Variants in CDH13 observed in about 807,000 individuals in gnomAD.
The protein encoded by CDH13 is cadherin-13.
In CDH13, 24 loss-of-function variants were observed where a neutral mutation model predicts 63.8. The observed-to-expected ratio is 0.38, with a 90% CI of 0.27 to 0.53. The LOEUF is 0.53. Among genes scored for constraint, CDH13 ranks in the 20% least tolerant of loss-of-function variants. The pLI is 0.85. For missense variants in CDH13, 1,049 were observed against 903.1 expected (o/e 1.16, Z -2.07); for synonymous variants, 503 against 355.3 (o/e 1.42, Z -4.67).
At chr16:83,223,570 T>C (rs914999680) in intron 5 of CDH13, among the ~76,000 whole-genome samples, 1 of 152,214 alleles carries the variant, frequency 6.6e-6, no homozygotes, top group African/African-American at 2.4e-5. Context: ...GCAGCCCTGC[T>C]TGGGTTACCT....
At position 83,215,070 on chromosome 16, in the gene CDH13, C is replaced by A. The variant is rs1032026185; in HGVS notation, c.484-2275C>A. ...TATTTTCATCAGAGAGTATCAAACA[C>A]CTCTTTTTTTTTTTTTTTTTTTTTG... is the stretch of plus-strand genomic sequence containing the variant. On this transcript the variant is annotated intron_variant, in intron 4 of 13. Transcript: ENST00000567109. Among the ~76,000 whole-genome samples the A allele has an allele frequency of 6.2e-4, 11 of 17,712 alleles. No individual in the cohort carries two copies. The South Asian group carries it at 0.037, about 60-fold the overall frequency. The allele number at this position is 17,712 out of a possible 152,430, so 11.6% of individuals were successfully genotyped here.
At chr16:83,663,337 C>G (rs569246302) in intron 8 of CDH13, among the ~76,000 whole-genome samples, 1 of 152,266 alleles carries the variant, frequency 6.6e-6, no homozygotes, top group African/African-American at 2.4e-5. Context: ...GCTATATCTA[C>G]TCAAAACCGC....
chr16:83,745,700 C>G (rs1413137152), intron 10 of CDH13, among the ~76,000 whole-genome samples: 3 of 152,170 alleles, frequency 2.0e-5, no homozygotes, highest in African/African-American at 4.8e-5. Context: ...AGGTAACAAT[C>G]CCATTGCAGC....
rs1041119504 is a variant in CDH13, at chr16:83,619,793, A to C, written c.1101+17199A>C. On this transcript the variant is annotated intron_variant, in intron 8 of 13. Transcript: ENST00000567109. The stretch of plus-strand genomic sequence containing the variant: ...CTCTGTCAAGGTCCTCTTTCCAAAT[A>C]AGGTTACAGTCTGAGGTCCTGAGGG... Among the ~76,000 whole-genome samples, 3 of 152,226 alleles carry C rather than the reference A, an allele frequency of 2.0e-5. No homozygotes were observed. In the East Asian group the frequency reaches 5.8e-4, roughly 29 times the overall value.
chr16:83,626,279 A>C (rs1277335231), intron 8 of CDH13, among the ~76,000 whole-genome samples: 1 of 152,116 alleles, frequency 6.6e-6, no homozygotes, highest in Non-Finnish European at 1.5e-5. Flanking sequence ...AGAGGCCCCG[A>C]GGAATGCAGG....
At chr16:83,400,229 G>A (rs376609605) in intron 6 of CDH13, among the ~76,000 whole-genome samples, 1 of 152,026 alleles carries the variant, frequency 6.6e-6, no homozygotes, top group Non-Finnish European at 1.5e-5. Flanking sequence ...TAAAGAAATC[G>A]ATCCAGAAAT....
intron 7 of CDH13, among the ~76,000 whole-genome samples, chr16:83,568,194 A>G (rs1297923141): frequency 2.0e-5 from 3 of 152,204 alleles, no homozygotes; most frequent in Non-Finnish European, 4.4e-5. Flanking sequence ...ACAAAAGGAA[A>G]AAAAAAAGCT....
At chr16:83,576,663 C>T (rs764428732) in intron 7 of CDH13, among the ~76,000 whole-genome samples, 6 of 152,212 alleles carry the variant, frequency 3.9e-5, no homozygotes, top group Non-Finnish European at 2.9e-5. Flanking sequence ...CCTCCCAGCC[C>T]TTGCTATTTT....
At chr16:83,549,195 A>G (rs1477295392) in intron 7 of CDH13, among the ~76,000 whole-genome samples, 1 of 152,124 alleles carries the variant, frequency 6.6e-6, no homozygotes, top group East Asian at 1.9e-4. Flanking sequence ...ACAAGCTGTG[A>G]TGGAGTCCTT....
intron 2 of CDH13, among the ~76,000 whole-genome samples, chr16:82,862,869 G>T (rs576787669): frequency 2.0e-5 from 3 of 152,176 alleles, no homozygotes; most frequent in Non-Finnish European, 4.4e-5. Flanking sequence ...CCTGATGGCC[G>T]AGGCTACTTC....
intron 1 of CDH13, among the ~76,000 whole-genome samples, chr16:82,673,018 T>TTTTTTTTTC: frequency 7.5e-6 from 1 of 133,248 alleles, no homozygotes; most frequent in African/African-American, 2.8e-5. Context: ...TTTTTTTTTT[T>TTTTTTTTTC]TGTAGAGATG....
chr16:83,273,516 C>T (rs1303112206), intron 5 of CDH13, among the ~76,000 whole-genome samples: 1 of 152,098 alleles, frequency 6.6e-6, no homozygotes, highest in Non-Finnish European at 1.5e-5. Context: ...GTGGTACATA[C>T]ACACCATGGA....
intron 5 of CDH13, among the ~76,000 whole-genome samples, chr16:83,261,000 G>A (rs1274709062): frequency 6.6e-6 from 1 of 151,842 alleles, no homozygotes; most frequent in Non-Finnish European, 1.5e-5. Context: ...GAGGCCATTG[G>A]ACTGAAGCAG....
chr16:82,664,497 CA>C (rs1423401354), intron 1 of CDH13, among the ~76,000 whole-genome samples: 1 of 152,200 alleles, frequency 6.6e-6, no homozygotes, highest in Non-Finnish European at 1.5e-5. Context: ...AGAGTCCTGT[CA>C]ATGCAGTAGG....
intron 1 of CDH13, chr16:82,824,628 A>G (rs1411248906): frequency 6.6e-6 from 1 of 152,234 alleles, no homozygotes; most frequent in Non-Finnish European, 1.5e-5. Flanking sequence ...TGGACAGGCG[A>G]ACATGTTAAA....
chr16:82,669,613 C>G (rs919874732), intron 1 of CDH13, among the ~76,000 whole-genome samples: 1 of 152,246 alleles, frequency 6.6e-6, no homozygotes, highest in African/African-American at 2.4e-5. Context: ...GACATTGTGA[C>G]TAATTGTAGT....
chr16:82,939,404 C>A (rs896621002), intron 2 of CDH13, among the ~76,000 whole-genome samples: 2 of 132,408 alleles, frequency 1.5e-5, no homozygotes, highest in Admixed American at 1.8e-4. Context: ...GCCTGGGTGA[C>A]AGAGTAAGAC....
intron 7 of CDH13, among the ~76,000 whole-genome samples, chr16:83,544,154 G>A (rs2075341762): frequency 6.6e-6 from 1 of 152,172 alleles, no homozygotes; most frequent in African/African-American, 2.4e-5. Flanking sequence ...CAGTGTCTCT[G>A]AGGTGAGAAC....
chr16:82,807,490 A>T (rs969296075), intron 1 of CDH13, among the ~76,000 whole-genome samples: 1 of 152,134 alleles, frequency 6.6e-6, no homozygotes, highest in South Asian at 2.1e-4. Context: ...ACAATTCCCA[A>T]CTGGAGTGGG....
Sources: allele counts gnomAD v4.1 joint callset (sites outside exome capture counted in the v4.1 genomes callset), GRCh38; gene constraint gnomAD v4.1.1; transcripts MANE v1.5; gene names NCBI Gene and HGNC (gene_info 2026-07-23, HGNC 2026-07-21).